Variants in CDKAL1 observed in about 807,000 individuals in gnomAD.
The protein encoded by CDKAL1 is CDKAL1 threonylcarbamoyladenosine tRNA methylthiotransferase.
CDKAL1 carries 32 observed loss-of-function variants against 68.2 expected under a neutral mutation model. The ratio of observed to expected loss-of-function variants is 0.47; its 90% CI spans 0.35 to 0.63. CDKAL1 has a LOEUF of 0.63. Among genes scored for constraint, CDKAL1 ranks in the 30% least tolerant of loss-of-function variants. The pLI is 0.00. For missense variants in CDKAL1, 606 were observed against 696.7 expected, an observed-to-expected ratio of 0.87 and a Z score of 1.47; for synonymous variants, 234 against 244.3, an observed-to-expected ratio of 0.96 and a Z score of 0.39.
chr6:20,717,558 T>C (rs1420316656), intron 5 of CDKAL1, among the ~76,000 whole-genome samples: 1 of 152,108 alleles, frequency 6.6e-6, no homozygotes, highest in African/African-American at 2.4e-5. Flanking sequence ...TTGTTTCTGT[T>C]TTCTCAGTGA....
rs751637887 is a variant in CDKAL1, at chr6:20,558,747, A to G, written c.286+10042A>G. The stretch of plus-strand genomic sequence containing the variant: ...AGTTGTAGAAGATAAGCAGCAATTT[A>G]AAGGCGTTACAATACATTTTTAAGA... On this transcript the variant is annotated intron_variant, in intron 4 of 15. Transcript: ENST00000274695. 80 of 372,614 alleles carry G rather than the reference A, an allele frequency of 2.1e-4. 1 individual carries two copies. The Middle Eastern group carries it at 2.5e-3, about 12-fold the overall frequency. The allele number at this position is 372,614 out of a possible 1,614,324, so 23.1% of individuals were successfully genotyped here. A position where few individuals can be genotyped will look rare whatever the true frequency, so the allele number is the denominator to read the frequency against.
chr6:21,200,492 T>A (rs1344398843), intron 14 of CDKAL1, among the ~76,000 whole-genome samples: 1 of 152,204 alleles, frequency 6.6e-6, no homozygotes, highest in Non-Finnish European at 1.5e-5. Flanking sequence ...AGCACACACA[T>A]GCACGGACAC....
chr6:20,768,375 A>G (rs1774791635), intron 7 of CDKAL1, among the ~76,000 whole-genome samples: 1 of 152,170 alleles, frequency 6.6e-6, no homozygotes, highest in Non-Finnish European at 1.5e-5. Flanking sequence ...TGTCATTAGA[A>G]TAGTTTTTGG....
At chr6:20,948,031 T>TTA (rs1764337462) in intron 9 of CDKAL1, among the ~76,000 whole-genome samples, 2 of 150,900 alleles carry the variant, frequency 1.3e-5, no homozygotes, top group Non-Finnish European at 3.0e-5. Flanking sequence ...TTTTTTTTTT[T>TTA]TAAAGAAACA....
At chr6:20,692,529 A>AG (rs1770915444) in intron 5 of CDKAL1, among the ~76,000 whole-genome samples, 1 of 152,086 alleles carries the variant, frequency 6.6e-6, no homozygotes, top group South Asian at 2.1e-4. Flanking sequence ...TGGGTCACAG[A>AG]GGGGGTTAAT....
intron 4 of CDKAL1, among the ~76,000 whole-genome samples, chr6:20,580,475 G>A (rs72830632): frequency 0.053 from 8,049 of 152,020 alleles, 231 homozygotes; most frequent in Middle Eastern, 0.078. Context: ...CTGTGCTGTC[G>A]GTGCACTATT....
chr6:20,630,908 C>T (rs1409941841), intron 4 of CDKAL1, among the ~76,000 whole-genome samples: 1 of 152,152 alleles, frequency 6.6e-6, no homozygotes, highest in East Asian at 1.9e-4. Context: ...TGAGATAATG[C>T]ATTTGAAAAT....
At chr6:20,677,631 G>T (rs760864908) in intron 5 of CDKAL1, among the ~76,000 whole-genome samples, 2 of 152,054 alleles carry the variant, frequency 1.3e-5, no homozygotes, top group Non-Finnish European at 2.9e-5. Flanking sequence ...GGCTAGCCTG[G>T]TCTCAAACTC....
intron 4 of CDKAL1, among the ~76,000 whole-genome samples, chr6:20,596,735 C>T (rs1765843056): frequency 6.6e-6 from 1 of 152,194 alleles, no homozygotes; most frequent in Non-Finnish European, 1.5e-5. Context: ...GCAGCTAGCT[C>T]AGTGTCTGAA....
At chr6:20,948,975 T>A (rs1342018883) in intron 9 of CDKAL1, among the ~76,000 whole-genome samples, 1 of 152,230 alleles carries the variant, frequency 6.6e-6, no homozygotes, top group Non-Finnish European at 1.5e-5. Context: ...TATGACCTTT[T>A]GAAAGAAATA....
chr6:20,813,990 C>G (rs1323443125), intron 8 of CDKAL1, among the ~76,000 whole-genome samples: 1 of 151,812 alleles, frequency 6.6e-6, no homozygotes, highest in African/African-American at 2.4e-5. Context: ...CATTTGGATT[C>G]CATTGAATTT....
intron 7 of CDKAL1, among the ~76,000 whole-genome samples, chr6:20,764,329 T>A (rs1414343705): frequency 3.9e-5 from 6 of 152,210 alleles, no homozygotes; most frequent in Non-Finnish European, 8.8e-5. Context: ...ATATGTTTGC[T>A]GGTATTTCTT....
chr6:21,144,671 G>A (rs1466209505), intron 13 of CDKAL1, among the ~76,000 whole-genome samples: 1 of 149,810 alleles, frequency 6.7e-6, no homozygotes, highest in Non-Finnish European at 1.5e-5. Flanking sequence ...GTGGTGGCAT[G>A]TACCTATAGT....
intron 6 of CDKAL1, 95 bp downstream of exon 6, chr6:20,739,710 G>A: frequency 3.0e-6 from 2 of 655,772 alleles, no homozygotes; most frequent in South Asian, 4.1e-5. Flanking sequence ...TTATTTGTAA[G>A]CTATGTTACA....
chr6:20,862,635 TTGTGTGTGTGTGTGTG>T (rs56736298), intron 9 of CDKAL1, among the ~76,000 whole-genome samples: 2 of 149,104 alleles, frequency 1.3e-5, no homozygotes, highest in Non-Finnish European at 3.0e-5. Context: ...TCTTTCCAAC[TTGTGTGTGTGTGTGTG>T]TGTGTGTGTG....
intron 13 of CDKAL1, among the ~76,000 whole-genome samples, chr6:21,152,619 A>T (rs1776465711): frequency 6.6e-6 from 1 of 152,206 alleles, no homozygotes. Flanking sequence ...TCTGGAGCCT[A>T]TGCTAGCTAT....
At chr6:20,622,686 C>T (rs1468712062) in intron 4 of CDKAL1, among the ~76,000 whole-genome samples, 1 of 152,008 alleles carries the variant, frequency 6.6e-6, no homozygotes, top group Admixed American at 6.6e-5. Flanking sequence ...ATTGTTCTGC[C>T]ATCTTTACAC....
chr6:20,694,092 G>GTGTGTA (rs1771003636), intron 5 of CDKAL1, among the ~76,000 whole-genome samples: 2 of 142,516 alleles, frequency 1.4e-5, no homozygotes, highest in African/African-American at 5.1e-5. Context: ...GTGTGTGTGT[G>GTGTGTA]TATGTAGGTG....
At chr6:21,115,847 G>A (rs948431008) in intron 13 of CDKAL1, among the ~76,000 whole-genome samples, 2 of 152,100 alleles carry the variant, frequency 1.3e-5, no homozygotes, top group East Asian at 1.9e-4. Flanking sequence ...GAGCTCTTTC[G>A]GTGCAAAATC....
Sources: gnomAD v4.1 joint callset for allele counts (sites outside exome capture counted in the v4.1 genomes callset) on GRCh38, gnomAD v4.1.1 for gene constraint, MANE v1.5 for transcripts, NCBI Gene and HGNC (gene_info 2026-07-23, HGNC 2026-07-21) for gene names.